The following MAS1 variants were observed in gnomAD, a reference collection of about 807,000 sequenced individuals.
MAS1 encodes proto-oncogene Mas.
For missense variants in MAS1, 387 were observed against 409.7 expected (o/e 0.94, Z 0.48); for synonymous variants, 163 against 164.2 (o/e 0.99, Z 0.05).
At chr6:159,899,575 A>G (rs1225727695) in intron 2 of MAS1, among the ~76,000 whole-genome samples, 183 bp downstream of exon 2, 1 of 152,122 alleles carries the variant, frequency 6.6e-6, no homozygotes, top group Non-Finnish European at 1.5e-5. Flanking sequence ...GAAATAAACA[A>G]CAACGACAAC....
At chr6:159,890,393 G>A (rs544513407), upstream of MAS1, among the ~76,000 whole-genome samples, 61 of 152,290 alleles carry the variant, frequency 4.0e-4, no homozygotes, top group African/African-American at 1.1e-3. Context: ...AGGCTGGGAC[G>A]CAGTCTGGGC....
chr6:159,899,674 G>C (rs1324205525), intron 2 of MAS1, among the ~76,000 whole-genome samples: 1 of 152,212 alleles, frequency 6.6e-6, no homozygotes, highest in East Asian at 1.9e-4. Context: ...AGGAAGTCAA[G>C]GCTGCAGTGA....
At chr6:159,900,976 A>G (rs1322441086) in intron 2 of MAS1, among the ~76,000 whole-genome samples, 2 of 152,138 alleles carry the variant, frequency 1.3e-5, no homozygotes, top group Admixed American at 1.3e-4. Context: ...ACAGAAATTT[A>G]TTTTCTGACA....
chr6:159,889,305 C>T (rs1583208535), upstream of MAS1, among the ~76,000 whole-genome samples: 2 of 152,310 alleles, frequency 1.3e-5, no homozygotes, highest in Admixed American at 1.3e-4. Flanking sequence ...TACATAATGA[C>T]GTTGGAGTCC....
Position 159,916,812 on chromosome 6 carries a change from G to A in MAS1, c.*8879G>A, listed in dbSNP as rs117477546. 2.3e-4 allele frequency among the ~76,000 whole-genome samples: 35 copies of A among 152,378 alleles called. No homozygotes were observed. The East Asian group carries it at 5.4e-3, about 24-fold the overall frequency. On this transcript the variant is annotated 3_prime_UTR_variant, in exon 3 of 3. Coordinates refer to ENST00000674077, the MANE Select transcript of MAS1 (RefSeq NM_002377.4). ...GCAGCCACTCTTGGCTTTGCGGGCC[G>A]TACAGTCTGTGCTGCAATGACAACT...
chr6:159,893,485 T>C (rs988954795), intron 1 of MAS1, among the ~76,000 whole-genome samples: 1 of 152,022 alleles, frequency 6.6e-6, no homozygotes, highest in South Asian at 2.1e-4. Context: ...GTGGCAGACA[T>C]AGGCAACCAT....
rs1418444182 is a variant in MAS1 at position 159,915,137 on chromosome 6, TCTC to T, written c.*7207_*7209del. ...GTTGAGCTCTCCCAAAATGTCCCCT[TCTC>T]CTACATTGGCACACGCTTTGGTTTC... On this transcript the variant is annotated 3_prime_UTR_variant, in exon 3 of 3. Coordinates refer to ENST00000674077, the MANE Select transcript of MAS1 (RefSeq NM_002377.4). 2 of 152,212 alleles carry T rather than the reference TCTC, an allele frequency of 1.3e-5. No homozygotes were observed. Among genetic ancestry groups the T allele is most frequent in the Non-Finnish European group, 2.9e-5 (2 of 68,036 alleles). 9.4% of individuals were successfully genotyped at this position (152,212 alleles called of 1,614,324 possible).
chr6:159,917,065 G>A lies in MAS1; in HGVS notation c.*9132G>A, dbSNP rs1322731148. On this transcript the variant is annotated 3_prime_UTR_variant, in exon 3 of 3. Transcript: ENST00000674077. ...TAGTGGCCGGACTTTGCCACCTCCA[G>A]CCTGGAGTGTTTTGGGAATTCCCCA... 6.6e-6 allele frequency among the ~76,000 whole-genome samples: 1 copy of A among 152,236 alleles called. No homozygotes were observed. Among genetic ancestry groups the A allele is most frequent in the African/African-American group, 2.4e-5 (1 of 41,464 alleles).
intron 1 of MAS1, among the ~76,000 whole-genome samples, chr6:159,893,775 G>A (rs970058861): frequency 6.6e-6 from 1 of 152,110 alleles, no homozygotes; most frequent in African/African-American, 2.4e-5. Context: ...AGAGGGGCTG[G>A]GAGCAGCGAC....
chr6:159,894,452 G>A (rs1026804283), intron 1 of MAS1, among the ~76,000 whole-genome samples: 4 of 151,548 alleles, frequency 2.6e-5, no homozygotes, highest in African/African-American at 9.7e-5. Flanking sequence ...ATGGAGCCTG[G>A]TGGAACTCCA....
chr6:159,908,701 GCAT>G lies in MAS1; in HGVS notation c.*772_*774del, dbSNP rs2115120607. 6.6e-6 allele frequency: 1 copy of G among 152,232 alleles called. No individual in the cohort carries two copies. The highest frequency in any genetic ancestry group is 1.9e-4 in the East Asian group (1 of 5,184). 9.4% of individuals were successfully genotyped at this position (152,232 alleles called of 1,614,324 possible). A position where few individuals can be genotyped will look rare whatever the true frequency, so the allele number is the denominator to read the frequency against. On this transcript the variant is annotated 3_prime_UTR_variant, in exon 3 of 3. Transcript: ENST00000674077. ...ATGATCTAACAAGCCATGTGCTAGT[GCAT>G]CATTTCAGGTTGTGAAGAAATACAT...
intron 1 of MAS1, among the ~76,000 whole-genome samples, chr6:159,898,667 T>TGC (rs1562310002): frequency 9.6e-5 from 1 of 10,392 alleles, no homozygotes; most frequent in Non-Finnish European, 2.3e-4. Context: ...TCCCTCCTCC[T>TGC]TCCTCTTCCT....
At position 159,912,574 on chromosome 6, in the gene MAS1, A is replaced by C. The variant is rs1207925195; in HGVS notation, c.*4641A>C. 1 of 144,534 alleles carries C rather than the reference A, an allele frequency of 6.9e-6. No homozygotes were observed. Among genetic ancestry groups the C allele is most frequent in the Non-Finnish European group, 1.5e-5 (1 of 66,680 alleles). The allele number at this position is 144,534 out of a possible 1,614,324, so 9.0% of individuals were successfully genotyped here. On this transcript the variant is annotated 3_prime_UTR_variant, in exon 3 of 3. Coordinates refer to ENST00000674077, the MANE Select transcript of MAS1 (RefSeq NM_002377.4). ...AAGCTTCTTTTCTCTTTAACCTAACATTTGACTGTTTAACTTTGCAAGGTT... is the reference window on the plus strand; with the variant it reads ...AAGCTTCTTTTCTCTTTAACCTAACCTTTGACTGTTTAACTTTGCAAGGTT...
At chr6:159,903,835 C>T (rs1337394567) in intron 2 of MAS1, among the ~76,000 whole-genome samples, 2 of 152,150 alleles carry the variant, frequency 1.3e-5, no homozygotes, top group South Asian at 2.1e-4. Context: ...ACCCCACAGC[C>T]CCCAAGAGGG....
chr6:159,904,601 C>T (rs1782862479), intron 2 of MAS1, among the ~76,000 whole-genome samples: 1 of 152,226 alleles, frequency 6.6e-6, no homozygotes, highest in Admixed American at 6.5e-5. Flanking sequence ...CCCACCTGAC[C>T]TCCTCCTTCC....
Position 159,904,757 on chromosome 6 carries a change from C to T in MAS1, c.-36-2163C>T, listed in dbSNP as rs1049465528. 2.0e-5 allele frequency among the ~76,000 whole-genome samples: 3 copies of T among 152,346 alleles called. No homozygotes were observed. In the East Asian group the frequency reaches 5.8e-4, roughly 29 times the overall value. ...GGGGTAAAAGCACCAGCCCACAAAG[C>T]CCGTTTGGACCTGGTCGCCAAAGAC... On this transcript the variant is annotated intron_variant, in intron 2 of 2. Transcript: ENST00000674077.
intron 2 of MAS1, among the ~76,000 whole-genome samples, chr6:159,900,434 G>A (rs1331715601): frequency 6.6e-6 from 1 of 152,178 alleles, no homozygotes; most frequent in African/African-American, 2.4e-5. Flanking sequence ...CTGTTGTCAA[G>A]GCATTTCTCG....
intron 1 of MAS1, among the ~76,000 whole-genome samples, chr6:159,894,235 G>A (rs578179123): frequency 2.0e-5 from 3 of 152,042 alleles, no homozygotes; most frequent in Admixed American, 6.5e-5. Context: ...TGGCCAACAC[G>A]GCAAAACTCC....
rs1782991505 is a variant in MAS1, at chr6:159,913,799, A to G, written c.*5866A>G. 1 of 152,232 alleles carries G rather than the reference A, an allele frequency of 6.6e-6. No homozygotes were observed. Among genetic ancestry groups the G allele is most frequent in the Non-Finnish European group, 1.5e-5 (1 of 68,036 alleles). The allele number at this position is 152,232 out of a possible 1,614,324, so 9.4% of individuals were successfully genotyped here. A position where few individuals can be genotyped will look rare whatever the true frequency, so the allele number is the denominator to read the frequency against. On this transcript the variant is annotated 3_prime_UTR_variant, in exon 3 of 3. Coordinates refer to ENST00000674077, the MANE Select transcript of MAS1 (RefSeq NM_002377.4). Reference sequence around the variant, plus strand: ...GTAAAGCAAAATTAAAACAATTTTCATGATTTTAATTTCACTTTTTTCATG... The same window carrying G: ...GTAAAGCAAAATTAAAACAATTTTCGTGATTTTAATTTCACTTTTTTCATG...
Sources: gnomAD v4.1 joint callset for allele counts (sites outside exome capture counted in the v4.1 genomes callset) on GRCh38, gnomAD v4.1.1 for gene constraint, MANE v1.5 for transcripts, NCBI Gene and HGNC (gene_info 2026-07-23, HGNC 2026-07-21) for gene names.